Variants in NALF1 observed in about 807,000 individuals in gnomAD.
NALF1 encodes family with sequence similarity 155 member A.
Under a neutral mutation model 48.4 loss-of-function variants are expected in NALF1, and 3 were observed. The observed-to-expected ratio is 0.06, with a 90% CI of 0.03 to 0.16. NALF1 has a LOEUF of 0.16. NALF1 is among the 10% of genes least tolerant of loss of function. The pLI, the probability that NALF1 is intolerant of heterozygous loss-of-function variation, is 1.00. For missense variants in NALF1, 526 were observed against 571.5 expected, an observed-to-expected ratio of 0.92 and a Z score of 0.81; for synonymous variants, 262 against 245.7, an observed-to-expected ratio of 1.07 and a Z score of -0.62.
intron 1 of NALF1, among the ~76,000 whole-genome samples, chr13:107,717,403 C>G (rs1875854133): frequency 6.6e-6 from 1 of 152,108 alleles, no homozygotes; most frequent in Non-Finnish European, 1.5e-5. Context: ...GGGGGTGGAA[C>G]CCAGCAAGCT....
intron 1 of NALF1, among the ~76,000 whole-genome samples, chr13:107,846,984 G>A (rs926474127): frequency 6.6e-6 from 1 of 152,036 alleles, no homozygotes; most frequent in African/African-American, 2.4e-5. Context: ...TTAGGAAACA[G>A]ACTTCTAAAG....
intron 1 of NALF1, among the ~76,000 whole-genome samples, chr13:107,799,070 C>T (rs1029237649): frequency 2.0e-5 from 3 of 152,164 alleles, no homozygotes; most frequent in Non-Finnish European, 4.4e-5. Context: ...TCCACATCGG[C>T]TTGCTCATTC....
chr13:107,492,554 G>A (rs1052059164), intron 1 of NALF1, among the ~76,000 whole-genome samples: 5 of 151,890 alleles, frequency 3.3e-5, no homozygotes, highest in East Asian at 1.9e-4. Flanking sequence ...AGCCTTCCTC[G>A]CCTTACTCAA....
At chr13:107,815,139 TA>T (rs577958676) in intron 1 of NALF1, among the ~76,000 whole-genome samples, 4 of 151,726 alleles carry the variant, frequency 2.6e-5, no homozygotes, top group South Asian at 2.1e-4. Context: ...AGTAATAAAA[TA>T]AAAAAAAGAT....
intron 1 of NALF1, among the ~76,000 whole-genome samples, chr13:107,388,287 C>G (rs1883564180): frequency 6.6e-6 from 1 of 152,188 alleles, no homozygotes; most frequent in African/African-American, 2.4e-5. Context: ...TACTTTATGT[C>G]TACTGACCAG....
In NALF1 at chr13:107,186,339, G is replaced by A. The variant is rs569192894; in HGVS notation, c.1088-15553C>T. On this transcript the variant is annotated intron_variant, in intron 2 of 2. Transcript: ENST00000375915. ...ATTTTTCCAACTTTACCACTGTCTG[G>A]TTTCAACACCACTTGCATATTTTCT... Among the ~76,000 whole-genome samples, 3 of 152,174 alleles carry A rather than the reference G, an allele frequency of 2.0e-5. No individual in the cohort carries two copies. In the South Asian group the frequency reaches 6.2e-4, roughly 32 times the overall value.
chr13:107,245,220 TATA>T lies in NALF1; in HGVS notation c.916-34468_916-34466del, dbSNP rs1340438174. Among the ~76,000 whole-genome samples the T allele has an allele frequency of 3.3e-5, 5 of 152,204 alleles. No homozygotes were observed. In the South Asian group the frequency reaches 6.2e-4, roughly 19 times the overall value. ...ACTTTTTTGCTTTATTTAATGATAA[TATA>T]ATGATAGCTACTTCTATATAATGAA... On this transcript the variant is annotated intron_variant, in intron 1 of 2. Coordinates refer to ENST00000375915, the MANE Select transcript of NALF1 (RefSeq NM_001080396.3).
chr13:107,658,881 C>A (rs1168737745), intron 1 of NALF1, among the ~76,000 whole-genome samples: 2 of 152,026 alleles, frequency 1.3e-5, no homozygotes, highest in East Asian at 3.9e-4. Context: ...CCTTCCCCTA[C>A]TCAGATTGTT....
At chr13:107,199,433 A>G (rs1473826079) in intron 2 of NALF1, among the ~76,000 whole-genome samples, 2 of 152,156 alleles carry the variant, frequency 1.3e-5, no homozygotes, top group East Asian at 3.9e-4. Flanking sequence ...ATTACATTGG[A>G]CTAGGGCTCA....
intron 1 of NALF1, among the ~76,000 whole-genome samples, chr13:107,417,044 G>A (rs1884102304): frequency 6.6e-6 from 1 of 152,202 alleles, no homozygotes; most frequent in South Asian, 2.1e-4. Flanking sequence ...GTGGGAAAAT[G>A]TTCATCCCAT....
chr13:107,776,450 C>T (rs938543140), intron 1 of NALF1, among the ~76,000 whole-genome samples: 20 of 152,150 alleles, frequency 1.3e-4, no homozygotes, highest in African/African-American at 3.4e-4. Context: ...TCATTCTTAA[C>T]GCATAAAGAA....
At chr13:107,312,949 A>C (rs1882075966) in intron 1 of NALF1, among the ~76,000 whole-genome samples, 1 of 152,220 alleles carries the variant, frequency 6.6e-6, no homozygotes. Flanking sequence ...AAAGAGACGG[A>C]AAGCAAAACA....
intron 1 of NALF1, among the ~76,000 whole-genome samples, chr13:107,213,980 C>A (rs11843696): frequency 0.08 from 12,174 of 152,092 alleles, 1,566 homozygotes; most frequent in African/African-American, 0.27. Context: ...AGAGAAAAAA[C>A]AAACAGGTAG....
intron 1 of NALF1, among the ~76,000 whole-genome samples, chr13:107,413,973 G>A (rs143605153): frequency 0.012 from 1,850 of 152,070 alleles, 15 homozygotes; most frequent in Non-Finnish European, 0.02. Flanking sequence ...TTTTAGTAGC[G>A]ACAGGGTTTC....
rs191353903 is a variant in NALF1, at chr13:107,433,558, T to C, written c.916-222803A>G. 2.2e-3 allele frequency among the ~76,000 whole-genome samples: 335 copies of C among 152,008 alleles called. 1 individual carries two copies. The highest frequency in any genetic ancestry group is 7.8e-3 in the African/African-American group (323 of 41,478). ...ACCTGCACATTGTGCACATGTACCCTAAAACTTAAGGTGTAATAATAATAA... is the reference window on the plus strand; with the variant it reads ...ACCTGCACATTGTGCACATGTACCCCAAAACTTAAGGTGTAATAATAATAA... On this transcript the variant is annotated intron_variant, in intron 1 of 2. Coordinates refer to ENST00000375915, the MANE Select transcript of NALF1 (RefSeq NM_001080396.3).
At chr13:107,545,816 G>A (rs181299334) in intron 1 of NALF1, among the ~76,000 whole-genome samples, 1 of 152,220 alleles carries the variant, frequency 6.6e-6, no homozygotes, top group East Asian at 1.9e-4. Context: ...TTCTATGTAT[G>A]ACTCTCTTCC....
chr13:107,552,564 T>C (rs1186911631), intron 1 of NALF1, among the ~76,000 whole-genome samples: 2 of 152,146 alleles, frequency 1.3e-5, no homozygotes, highest in Non-Finnish European at 2.9e-5. Flanking sequence ...TTATGTGTAT[T>C]AACATTCTCA....
chr13:107,853,019 A>G (rs1046471504), intron 1 of NALF1, among the ~76,000 whole-genome samples: 8 of 149,478 alleles, frequency 5.4e-5, no homozygotes, highest in Admixed American at 1.3e-4. Flanking sequence ...ATTAAAAGTC[A>G]TATTTGAGTG....
At chr13:107,631,342 G>A (rs1433958594) in intron 1 of NALF1, among the ~76,000 whole-genome samples, 1 of 152,102 alleles carries the variant, frequency 6.6e-6, no homozygotes. Flanking sequence ...GTGTAGGGGT[G>A]GCTCCCATTA....
Sources: gnomAD v4.1 joint callset for allele counts (sites outside exome capture counted in the v4.1 genomes callset) on GRCh38, gnomAD v4.1.1 for gene constraint, MANE v1.5 for transcripts, NCBI Gene and HGNC (gene_info 2026-07-23, HGNC 2026-07-21) for gene names.